The following TMEM242 variants were observed in gnomAD, a reference collection of about 807,000 sequenced individuals.
TMEM242 encodes the protein transmembrane protein 242.
In TMEM242, 10 loss-of-function variants were observed where a neutral mutation model predicts 18.2. That is an observed-to-expected ratio of 0.55 (90% confidence interval 0.34 to 0.93). The LOEUF (loss-of-function observed/expected upper bound fraction) is 0.93. Among genes scored for constraint, TMEM242 ranks in the 40% least tolerant of loss-of-function variants. The pLI is 0.02. For synonymous variants in TMEM242, 57 were observed against 69.9 expected, an observed-to-expected ratio of 0.81 and a Z score of 0.92; for missense variants, 186 against 175.5, an observed-to-expected ratio of 1.06 and a Z score of -0.34.
At chr6:157,323,283 TA>T in intron 1 of TMEM242, 128 bp downstream of exon 1, 1 of 1,077,184 alleles carries the variant, frequency 9.3e-7, no homozygotes, top group Non-Finnish European at 1.4e-6. Flanking sequence ...CTCCGCGGGC[TA>T]AACTCAGGGG....
chr6:157,313,085 C>G (rs1554249605), intron 3 of TMEM242, among the ~76,000 whole-genome samples: 6 of 124,190 alleles, frequency 4.8e-5, no homozygotes, highest in African/African-American at 1.8e-4. Flanking sequence ...TATGCACTCA[C>G]CTGGCCTCAT....
intron 3 of TMEM242, among the ~76,000 whole-genome samples, chr6:157,310,627 C>A (rs1554248356): frequency 6.6e-6 from 1 of 150,924 alleles, no homozygotes; most frequent in South Asian, 2.1e-4. Flanking sequence ...CACCTAGCCT[C>A]ATCATAGTGT....
At chr6:157,309,473 G>GC in intron 3 of TMEM242, among the ~76,000 whole-genome samples, 1 of 152,202 alleles carries the variant, frequency 6.6e-6, no homozygotes, top group South Asian at 2.1e-4. Flanking sequence ...CTCTCAACCT[G>GC]CCAGTCAGGT....
chr6:157,313,073 A>C (rs1583570791), intron 3 of TMEM242, among the ~76,000 whole-genome samples: 1 of 151,626 alleles, frequency 6.6e-6, no homozygotes, highest in East Asian at 1.9e-4. Flanking sequence ...ATAGGGTCCC[A>C]GTATGCACTC....
intron 3 of TMEM242, among the ~76,000 whole-genome samples, chr6:157,312,824 C>G (rs1554249441): frequency 2.2e-5 from 3 of 137,144 alleles, no homozygotes; most frequent in African/African-American, 2.8e-5. Flanking sequence ...CTAGCCTCAT[C>G]ATAGTGCCAC....
At chr6:157,313,110 G>A (rs1554249622) in intron 3 of TMEM242, among the ~76,000 whole-genome samples, 31 of 146,374 alleles carry the variant, frequency 2.1e-4, no homozygotes, top group African/African-American at 7.7e-4. Context: ...GTGTCCCAGT[G>A]TGTGCTCACC....
intron 3 of TMEM242, among the ~76,000 whole-genome samples, chr6:157,304,603 G>A (rs139646127): frequency 1.3e-3 from 197 of 152,076 alleles, no homozygotes; most frequent in African/African-American, 4.4e-3. Flanking sequence ...TTACAGGTGC[G>A]AGGATATAAC....
chr6:157,299,997 T>G (rs782703415), intron 3 of TMEM242: 51 of 1,348,412 alleles, frequency 3.8e-5, no homozygotes, highest in Admixed American at 5.1e-5. Flanking sequence ...AGCTCACTCT[T>G]CACGGGGGTG....
At position 157,301,796 on chromosome 6, in the gene TMEM242, G is replaced by A. The variant is rs1031934466; in HGVS notation, c.328-8797C>T. On this transcript the variant is annotated intron_variant, in intron 3 of 3. Transcript: ENST00000400788. ...AAAATACAAAAATTAGCCGGGTGTGGTGGTGTGTGCCTATGGTCCCAGCTA... is the reference window on the plus strand; with the variant it reads ...AAAATACAAAAATTAGCCGGGTGTGATGGTGTGTGCCTATGGTCCCAGCTA... Among the ~76,000 whole-genome samples the A allele has an allele frequency of 3.3e-5, 5 of 152,206 alleles. No individual in the cohort carries two copies. In the East Asian group the frequency reaches 9.8e-4, roughly 30 times the overall value.
intron 3 of TMEM242, among the ~76,000 whole-genome samples, chr6:157,311,457 C>T (rs1583565854): frequency 2.1e-5 from 2 of 95,068 alleles, no homozygotes; most frequent in African/African-American, 4.3e-5. Flanking sequence ...AGTGTGCAAT[C>T]ACCTGGCCTC....
intron 3 of TMEM242, among the ~76,000 whole-genome samples, chr6:157,312,869 A>C (rs1583570259): frequency 1.3e-5 from 2 of 152,106 alleles, no homozygotes; most frequent in Admixed American, 6.5e-5. Flanking sequence ...ATAGTGTCCC[A>C]GTGTGCACTC....
intron 3 of TMEM242, among the ~76,000 whole-genome samples, chr6:157,301,323 C>T (rs1283498509): frequency 6.8e-6 from 1 of 147,912 alleles, no homozygotes; most frequent in Non-Finnish European, 1.5e-5. Flanking sequence ...AAAGCTATTA[C>T]TTTTTTTTTT....
At chr6:157,302,719 C>T (rs1554247612) in intron 3 of TMEM242, among the ~76,000 whole-genome samples, 1 of 152,244 alleles carries the variant, frequency 6.6e-6, no homozygotes, top group East Asian at 1.9e-4. Flanking sequence ...AGACAGCTCC[C>T]TAGTGACTTC....
chr6:157,317,317 AATCAT>A (rs1778409600), intron 3 of TMEM242, among the ~76,000 whole-genome samples: 1 of 152,170 alleles, frequency 6.6e-6, no homozygotes, highest in Non-Finnish European at 1.5e-5. Context: ...AAACCGGGTG[AATCAT>A]CAGTCCTCAT....
In TMEM242 at chr6:157,292,927, A is replaced by T; in HGVS notation, c.400T>A (p.Trp134Arg). The T allele has an allele frequency of 1.2e-6, 2 of 1,613,364 alleles. No individual in the cohort carries two copies. Among genetic ancestry groups the T allele is most frequent in the Non-Finnish European group, 1.7e-6 (2 of 1,179,520 alleles). The change falls in exon 4 of 4, where the codon TGG becomes AGG. Residue 134 changes from tryptophan (W) to arginine (R), a missense_variant. Transcript: ENST00000400788. ...CATTTGGATTTCAATGTTTCCTCCCACTCAACAGCCGATTCGGAGTTCTTG... is the reference window on the plus strand; with the variant it reads ...CATTTGGATTTCAATGTTTCCTCCCTCTCAACAGCCGATTCGGAGTTCTTG... Reference protein sequence around the residue: ...IPKNSESAVEWEETLKSK With the variant: ...IPKNSESAVEREETLKSK
At chr6:157,300,510 T>C (rs1233060713) in intron 3 of TMEM242, among the ~76,000 whole-genome samples, 1 of 152,248 alleles carries the variant, frequency 6.6e-6, no homozygotes, top group African/African-American at 2.4e-5. Context: ...TTACATCTTC[T>C]GAACGGTGAC....
intron 2 of TMEM242, among the ~76,000 whole-genome samples, chr6:157,319,303 T>A (rs587683850): frequency 1.3e-5 from 2 of 152,356 alleles, no homozygotes; most frequent in South Asian, 4.1e-4. Context: ...AAGTAAACTT[T>A]GCATGTGTGT....
At chr6:157,303,838 A>AGG (rs35013252) in intron 3 of TMEM242, among the ~76,000 whole-genome samples, 6 of 47,842 alleles carry the variant, frequency 1.3e-4, no homozygotes, top group African/African-American at 4.9e-4. Flanking sequence ...TGGCGGGGGG[A>AGG]GGGGGGGGTC....
intron 3 of TMEM242, among the ~76,000 whole-genome samples, chr6:157,294,194 G>A (rs1554247047): frequency 1.3e-5 from 2 of 152,112 alleles, no homozygotes; most frequent in African/African-American, 4.8e-5. Flanking sequence ...TAATCTATAC[G>A]GTCCTCCTAC....
Sources: allele counts gnomAD v4.1 joint callset (sites outside exome capture counted in the v4.1 genomes callset), GRCh38; gene constraint gnomAD v4.1.1; transcripts MANE v1.5; gene names NCBI Gene and HGNC (gene_info 2026-07-23, HGNC 2026-07-21).